The following FBN2 variants were observed in gnomAD, a reference collection of about 807,000 sequenced individuals.
FBN2 encodes the protein fibrillin-2.
FBN2 carries 105 observed loss-of-function variants against 355.6 expected under a neutral mutation model. That is an observed-to-expected ratio of 0.30 (90% CI 0.25 to 0.35). FBN2 has a LOEUF of 0.35. FBN2 is among the 10% of genes least tolerant of loss of function. FBN2 has a pLI of 1.00. For synonymous variants in FBN2, 1,350 were observed against 1,301.2 expected, an observed-to-expected ratio of 1.04 and a Z score of -0.81; for missense variants, 3,280 against 3,758.7, an observed-to-expected ratio of 0.87 and a Z score of 3.33.
chr5:128,338,892 G>GT (rs757634425), intron 26 of FBN2, 41 bp downstream of exon 26: 2 of 1,609,602 alleles, frequency 1.2e-6, no homozygotes, highest in Non-Finnish European at 1.7e-6. Flanking sequence ...GTCTGTGCTA[G>GT]TATGGTTTCA....
At position 128,316,569 on chromosome 5, in the gene FBN2, C is replaced by T. The variant is rs146263139; in HGVS notation, c.4717+1580G>A. Reference sequence around the variant, plus strand: ...TATACACTGACAGTTAATCGGTGTACCATTGTGCAAACATATTATCTGCAG... The same window carrying T: ...TATACACTGACAGTTAATCGGTGTATCATTGTGCAAACATATTATCTGCAG... On this transcript the variant is annotated intron_variant, in intron 36 of 64. Coordinates refer to ENST00000262464, the MANE Select transcript of FBN2 (RefSeq NM_001999.4). 2.3e-4 allele frequency among the ~76,000 whole-genome samples: 35 copies of T among 152,242 alleles called. 1 individual carries two copies. In the East Asian group the frequency reaches 6.8e-3, roughly 29 times the overall value.
In FBN2 at chr5:128,263,835, T is replaced by C. The variant is rs73784560; in HGVS notation, c.7961-179A>G. Reference sequence around the variant, plus strand: ...GAATGAAAAAAATTCCCCTAAATTGTGGCTTTAAAAAACCCTTGCTTTGCT... The same window carrying C: ...GAATGAAAAAAATTCCCCTAAATTGCGGCTTTAAAAAACCCTTGCTTTGCT... On this transcript the variant is annotated intron_variant, in intron 62 of 64. Coordinates refer to ENST00000262464, the MANE Select transcript of FBN2 (RefSeq NM_001999.4). Among the ~76,000 whole-genome samples, 6,994 of 152,276 alleles carry C rather than the reference T, an allele frequency of 0.046. 536 individuals are homozygous for C. The highest frequency in any genetic ancestry group is 0.16 in the African/African-American group (6,588 of 41,514).
chr5:128,270,041 C>T (rs527734320), intron 62 of FBN2, among the ~76,000 whole-genome samples: 4 of 152,292 alleles, frequency 2.6e-5, no homozygotes, highest in African/African-American at 9.6e-5. Flanking sequence ...AATAAAACCA[C>T]ACATCTACAA....
chr5:128,508,024 T>A (rs1294193005), intron 5 of FBN2, among the ~76,000 whole-genome samples: 1 of 152,100 alleles, frequency 6.6e-6, no homozygotes, highest in African/African-American at 2.4e-5. Context: ...GAAATGGCCT[T>A]CTTTATGCCT....
rs7734124 is a variant in FBN2 at position 128,430,545 on chromosome 5, T to C, written c.952+15936A>G. On this transcript the variant is annotated intron_variant, in intron 7 of 64. Transcript: ENST00000262464. ...ATATGTTTTCTCTTGCAAAATCATA[T>C]TGAAAAAATAAAATACAGGCCAGTG... Among the ~76,000 whole-genome samples the C allele has an allele frequency of 6.9e-3, 1,043 of 152,230 alleles. 10 individuals carry two copies. The highest frequency in any genetic ancestry group is 0.023 in the African/African-American group (974 of 41,540).
At chr5:128,409,080 T>C (rs935492631) in intron 7 of FBN2, among the ~76,000 whole-genome samples, 1 of 152,280 alleles carries the variant, frequency 6.6e-6, no homozygotes, top group South Asian at 2.1e-4. Flanking sequence ...AGTAAAGATG[T>C]CAATGTTTTA....
intron 55 of FBN2, among the ~76,000 whole-genome samples, chr5:128,281,115 T>C (rs139994554): frequency 1.3e-5 from 2 of 152,344 alleles, no homozygotes; most frequent in East Asian, 1.9e-4. Context: ...TGAATATTTT[T>C]ATTTTCAACC....
intron 7 of FBN2, among the ~76,000 whole-genome samples, chr5:128,427,481 T>A (rs1753512375): frequency 6.6e-6 from 1 of 152,174 alleles, no homozygotes. Flanking sequence ...AGGACTGAAC[T>A]CTGACCGCCA....
At position 128,310,099 on chromosome 5, in the gene FBN2, T is replaced by A; in HGVS notation, c.5084A>T (p.Glu1695Val). ...EDTRICEDID[E>V]CFAHPGVCGP... ...ACACACACCAGGATGTGCAAAACACTCATCAATATCTAGAGTAGGCAAGAA... is the reference window on the plus strand; with the variant it reads ...ACACACACCAGGATGTGCAAAACACACATCAATATCTAGAGTAGGCAAGAA... Residue 1695 changes from glutamate (E) to valine (V), a missense_variant, in exon 40 of 65, where the codon GAG (glutamate) becomes GTG (valine). Glu to Val is a moderately radical substitution (Grantham distance 121, BLOSUM62 -2). Around this residue, in one of 6 missense-constraint regions of FBN2, gnomAD observed 2,284 missense variants for 2,749.5 expected, o/e 0.83. Transcript: ENST00000262464. 1 of 1,612,186 alleles carries A rather than the reference T, an allele frequency of 6.2e-7. No homozygotes were observed. Among genetic ancestry groups the A allele is most frequent in the Non-Finnish European group, 8.5e-7 (1 of 1,178,408 alleles).
At chr5:128,391,684 T>C (rs992773699) in intron 11 of FBN2, among the ~76,000 whole-genome samples, 2 of 152,220 alleles carry the variant, frequency 1.3e-5, no homozygotes, top group African/African-American at 2.4e-5. Context: ...GGATTCATGC[T>C]TGACGAATTG....
In FBN2 at chr5:128,527,889, C is replaced by A; in HGVS notation, c.515G>T (p.Gly172Val). 1 of 1,609,354 alleles carries A rather than the reference C, an allele frequency of 6.2e-7. No homozygotes were observed. The highest frequency in any genetic ancestry group is 8.5e-7 in the Non-Finnish European group (1 of 1,176,098). ...DHCQCQKGYI[G>V]TYCGQPVCEN... ...TCCCTTACGTTGTCCACAATAAGTTCCAATATATCCTTTCTGGCACTGGCA... is the reference window on the plus strand; with the variant it reads ...TCCCTTACGTTGTCCACAATAAGTTACAATATATCCTTTCTGGCACTGGCA... Residue 172 changes from glycine (G) to valine (V), a missense_variant, in exon 4 of 65, where the codon GGA (glycine) becomes GTA (valine). Physicochemically the swap from Gly to Val is moderately radical, Grantham distance 109. Transcript: ENST00000262464.
chr5:128,359,485 G>C (rs1413844561), intron 19 of FBN2, among the ~76,000 whole-genome samples: 1 of 151,966 alleles, frequency 6.6e-6, no homozygotes, highest in Non-Finnish European at 1.5e-5. Flanking sequence ...AATAACAGTG[G>C]GAAGAAAGTG....
At chr5:128,455,540 G>A (rs1008759219) in intron 6 of FBN2, among the ~76,000 whole-genome samples, 5 of 152,030 alleles carry the variant, frequency 3.3e-5, no homozygotes, top group South Asian at 2.1e-4. Flanking sequence ...TAGAAGCAGC[G>A]TCTCTCAGAG....
chr5:128,532,940 T>C (rs2112805009), intron 2 of FBN2, among the ~76,000 whole-genome samples: 1 of 152,290 alleles, frequency 6.6e-6, no homozygotes, highest in Admixed American at 6.5e-5. Context: ...CTCAGGAGGC[T>C]GAGGTCAGAA....
rs376165433 is a variant in FBN2 at position 128,432,168 on chromosome 5, T to C, written c.952+14313A>G. 2.6e-5 allele frequency among the ~76,000 whole-genome samples: 4 copies of C among 152,190 alleles called. No individual in the cohort carries two copies. The South Asian group carries it at 8.3e-4, about 32-fold the overall frequency. On this transcript the variant is annotated intron_variant, in intron 7 of 64. Transcript: ENST00000262464. ...TTATTTTAAAAATTTAATATGAACT[T>C]TGGGATAATCAATAATATTTTCAGG...
chr5:128,480,904 T>A (rs1356182956), intron 5 of FBN2, among the ~76,000 whole-genome samples: 1 of 152,170 alleles, frequency 6.6e-6, no homozygotes, highest in Non-Finnish European at 1.5e-5. Flanking sequence ...AAAGTCTACA[T>A]AAACCTCACT....
chr5:128,311,116 C>T (rs559416577), intron 39 of FBN2, among the ~76,000 whole-genome samples, 184 bp downstream of exon 39: 18 of 151,400 alleles, frequency 1.2e-4, no homozygotes, highest in African/African-American at 3.2e-4. Context: ...ATTATGGCAA[C>T]GAGCCATAAA....
At chr5:128,475,305 T>C (rs144745403) in intron 5 of FBN2, among the ~76,000 whole-genome samples, 9 of 152,286 alleles carry the variant, frequency 5.9e-5, no homozygotes, top group Non-Finnish European at 1.2e-4. Context: ...AACTTACTAG[T>C]ATTGGTAGTG....
intron 5 of FBN2, 72 bp downstream of exon 5, chr5:128,519,201 A>G (rs1019373496): frequency 6.8e-6 from 7 of 1,033,650 alleles, no homozygotes; most frequent in Middle Eastern, 4.0e-4. Flanking sequence ...TCTTCATTGA[A>G]TAGCAAAAAA....
Sources: allele counts gnomAD v4.1 joint callset (sites outside exome capture counted in the v4.1 genomes callset), GRCh38; gene constraint gnomAD v4.1.1; regional missense constraint gnomAD v4.1.1; transcripts MANE v1.5; gene names NCBI Gene and HGNC (gene_info 2026-07-23, HGNC 2026-07-21).